VPS37A: variants seen among roughly 807,000 people sequenced by gnomAD.
VPS37A encodes the protein VPS37A subunit of ESCRT-I.
A neutral mutation model predicts 49.8 loss-of-function variants in VPS37A; 30 were observed. The ratio of observed to expected loss-of-function variants is 0.60; its 90% CI spans 0.45 to 0.82. VPS37A has a LOEUF of 0.82. Among genes scored for constraint, VPS37A ranks in the 40% least tolerant of loss-of-function variants. VPS37A has a pLI of 0.00. For synonymous variants in VPS37A, 195 were observed against 160.6 expected, an observed-to-expected ratio of 1.21 and a Z score of -1.62; for missense variants, 593 against 464.4, an observed-to-expected ratio of 1.28 and a Z score of -2.55.
rs748805174 is a variant in VPS37A, at chr8:17,276,473, C to T, written c.713+6C>T. 1 of 1,605,102 alleles carries T rather than the reference C, an allele frequency of 6.2e-7. No homozygotes were observed. The highest frequency in any genetic ancestry group is 2.3e-5 in the East Asian group (1 of 44,398). ...CCAGAACTCTCAGAACTAAGGTAAA[C>T]CTGGAAAGTAAAGTTGGTCACATTG... is the stretch of plus-strand genomic sequence containing the variant. On this transcript the variant is annotated splice_donor_region_variant and intron_variant, in intron 6 of 11. Transcript: ENST00000324849.
At chr8:17,248,464 C>T (rs370856099) in intron 1 of VPS37A, 124 of 440,848 alleles carry the variant, frequency 2.8e-4, no homozygotes, top group African/African-American at 2.0e-3. Flanking sequence ...TTAGTAGAGA[C>T]GGGGTTTCAC....
the VPS37A span, among the ~76,000 whole-genome samples, chr8:17,314,980 G>C: frequency 6.6e-6 from 1 of 152,202 alleles, no homozygotes; most frequent in African/African-American, 2.4e-5. Flanking sequence ...TGGAAGGCCA[G>C]TGAAAAATAC....
intron 1 of VPS37A, among the ~76,000 whole-genome samples, chr8:17,262,255 A>G (rs775318933): frequency 6.6e-6 from 1 of 151,886 alleles, no homozygotes; most frequent in Non-Finnish European, 1.5e-5. Flanking sequence ...AGTGTTACAT[A>G]TTTGTTGTTT....
chr8:17,272,523 C>T (rs1814090221), intron 4 of VPS37A, among the ~76,000 whole-genome samples: 1 of 152,060 alleles, frequency 6.6e-6, no homozygotes, highest in African/African-American at 2.4e-5. Context: ...GGATATAGTA[C>T]CATTATTAAA....
At chr8:17,276,355 A>C (rs1814510704) in intron 5 of VPS37A, 42 bp from the exon 6 acceptor site, 4 of 1,555,552 alleles carry the variant, frequency 2.6e-6, no homozygotes, top group Non-Finnish European at 3.5e-6. Context: ...AGCAGTCAAA[A>C]ATAATGGCTG....
At chr8:17,285,548 TAGTAAACTTTATGAA>T (rs1188970694) in intron 10 of VPS37A, among the ~76,000 whole-genome samples, 1 of 152,240 alleles carries the variant, frequency 6.6e-6, no homozygotes, top group Admixed American at 6.5e-5. Context: ...AGTATTTTGT[TAGTAAACTTTATGAA>T]ACATCTGTGA....
At chr8:17,294,232 C>G (rs541477168) in intron 11 of VPS37A, among the ~76,000 whole-genome samples, 7 of 152,234 alleles carry the variant, frequency 4.6e-5, no homozygotes, top group Admixed American at 4.6e-4. Flanking sequence ...CCAAACTTCC[C>G]GGAGGCTTTG....
the VPS37A span, chr8:17,331,258 C>A: frequency 6.2e-7 from 1 of 1,609,262 alleles, no homozygotes; most frequent in Non-Finnish European, 8.5e-7. Context: ...CCTTTCCCTG[C>A]AGCACGATTT....
rs376827319 is a variant in VPS37A, at chr8:17,263,382, T to C, written c.126-2525T>C. 2.0e-5 allele frequency among the ~76,000 whole-genome samples: 3 copies of C among 152,308 alleles called. No individual in the cohort carries two copies. The South Asian group carries it at 6.2e-4, about 32-fold the overall frequency. On this transcript the variant is annotated intron_variant, in intron 1 of 11. Transcript: ENST00000324849. ...TTTAATTAAGTAAAACAAGTACTTA[T>C]CTGTTGTTTAATGCAGCTAATCAAA... is the stretch of plus-strand genomic sequence containing the variant.
At chr8:17,274,293 A>G (rs1052556465) in intron 4 of VPS37A, among the ~76,000 whole-genome samples, 1 of 152,242 alleles carries the variant, frequency 6.6e-6, no homozygotes, top group Admixed American at 6.5e-5. Flanking sequence ...TTTCTAGAAA[A>G]GCAGTCTTGA....
intron 1 of VPS37A, among the ~76,000 whole-genome samples, chr8:17,259,505 C>T (rs1177856802): frequency 6.6e-6 from 1 of 152,064 alleles, no homozygotes; most frequent in East Asian, 1.9e-4. Context: ...ATGTTCTGTT[C>T]TGGAGAATGT....
chr8:17,283,200 G>A (rs923530755), intron 9 of VPS37A, among the ~76,000 whole-genome samples: 4 of 151,946 alleles, frequency 2.6e-5, no homozygotes, highest in Admixed American at 6.6e-5. Flanking sequence ...CTGTCACCCA[G>A]GCTGGAGTGC....
At chr8:17,278,168 AT>A (rs1814703580) in intron 6 of VPS37A, among the ~76,000 whole-genome samples, 1 of 151,996 alleles carries the variant, frequency 6.6e-6, no homozygotes, top group African/African-American at 2.4e-5. Context: ...GCCAATACTT[AT>A]GTCATAATTA....
chr8:17,307,829 C>A, the VPS37A span, among the ~76,000 whole-genome samples: 3 of 149,332 alleles, frequency 2.0e-5, no homozygotes, highest in Non-Finnish European at 3.0e-5. Flanking sequence ...TAGGTGGGAA[C>A]TGAACAATGA....
At chr8:17,275,399 C>A (rs995127688) in intron 5 of VPS37A, among the ~76,000 whole-genome samples, 1 of 152,068 alleles carries the variant, frequency 6.6e-6, no homozygotes, top group Non-Finnish European at 1.5e-5. Context: ...GCCAGAATAA[C>A]AAGGGGATAC....
intron 1 of VPS37A, among the ~76,000 whole-genome samples, chr8:17,254,528 T>C (rs1187592831): frequency 1.3e-5 from 2 of 152,224 alleles, no homozygotes; most frequent in Non-Finnish European, 2.9e-5. Flanking sequence ...TTAGTTTGCA[T>C]TGACCTGGTT....
At chr8:17,275,968 C>A (rs1275659308) in intron 5 of VPS37A, among the ~76,000 whole-genome samples, 1 of 152,084 alleles carries the variant, frequency 6.6e-6, no homozygotes, top group African/African-American at 2.4e-5. Flanking sequence ...CATATATATT[C>A]AAACAGTGGC....
chr8:17,288,057 C>T (rs1178213235), intron 11 of VPS37A, among the ~76,000 whole-genome samples: 1 of 152,140 alleles, frequency 6.6e-6, no homozygotes, highest in Non-Finnish European at 1.5e-5. Flanking sequence ...CTTTCCAAAT[C>T]ATACTATAAA....
downstream of VPS37A, chr8:17,300,138 A>G (rs1817019238): frequency 6.2e-7 from 1 of 1,614,170 alleles, no homozygotes; most frequent in Non-Finnish European, 8.5e-7. Context: ...TGTCTGAGGT[A>G]GAAAACCCTG....
Sources: allele counts gnomAD v4.1 joint callset (sites outside exome capture counted in the v4.1 genomes callset), GRCh38; gene constraint gnomAD v4.1.1; transcripts MANE v1.5; gene names NCBI Gene and HGNC (gene_info 2026-07-23, HGNC 2026-07-21).